The following IGF1 variants were observed in gnomAD, a reference collection of about 807,000 sequenced individuals.
IGF1 encodes insulin like growth factor 1.
Under a neutral mutation model 13.8 loss-of-function variants are expected in IGF1, and 4 were observed. The ratio of observed to expected loss-of-function variants is 0.29; its 90% CI spans 0.14 to 0.66. The LOEUF is 0.66. Ranked by LOEUF, IGF1 falls within the 30% of genes least tolerant of loss-of-function variation. The pLI, the probability that IGF1 is intolerant of heterozygous loss-of-function variation, is 0.78. For synonymous variants in IGF1, 76 were observed against 72.6 expected, an observed-to-expected ratio of 1.05 and a Z score of -0.23; for missense variants, 124 against 188.5, an observed-to-expected ratio of 0.66 and a Z score of 2.00.
chr12:102,410,683 A>G (rs1036415110), intron 3 of IGF1, among the ~76,000 whole-genome samples: 3 of 152,190 alleles, frequency 2.0e-5, no homozygotes, highest in Non-Finnish European at 4.4e-5. Flanking sequence ...TGTCATTTCA[A>G]TGCAATAGTG....
chr12:102,402,443 TA>T lies in IGF1; in HGVS notation c.*63del. On this transcript the variant is annotated 3_prime_UTR_variant, in exon 4 of 4. Coordinates refer to ENST00000337514, the MANE Select transcript of IGF1 (RefSeq NM_000618.5). ...GGTAGGTGTTCCAAAGTTTAACAGG[TA>T]ACTCGTGCAGAGCAAAGGATCCTGC... The T allele has an allele frequency of 1.3e-6, 1 of 780,168 alleles. No individual in the cohort carries two copies. Among genetic ancestry groups the T allele is most frequent in the South Asian group, 1.3e-5 (1 of 74,592 alleles). 48.3% of individuals were successfully genotyped at this position (780,168 alleles called of 1,614,324 possible).
chr12:102,444,957 T>C (rs1344898054), intron 2 of IGF1, among the ~76,000 whole-genome samples: 1 of 152,018 alleles, frequency 6.6e-6, no homozygotes, highest in East Asian at 1.9e-4. Context: ...ATCTCATAAA[T>C]TGGTATGATA....
intron 1 of IGF1, among the ~76,000 whole-genome samples, chr12:102,477,302 C>T (rs1241009281): frequency 6.6e-6 from 1 of 151,160 alleles, no homozygotes; most frequent in Non-Finnish European, 1.5e-5. Flanking sequence ...AAACCCCTGT[C>T]TCTCGTTAAC....
chr12:102,446,278 AAT>A (rs1878317106), intron 2 of IGF1, among the ~76,000 whole-genome samples: 2 of 152,106 alleles, frequency 1.3e-5, no homozygotes, highest in Admixed American at 6.5e-5. Flanking sequence ...TCTTGTTTGG[AAT>A]AGTTTCAGAC....
At chr12:102,425,362 T>G (rs1400127578) in intron 2 of IGF1, among the ~76,000 whole-genome samples, 1 of 152,198 alleles carries the variant, frequency 6.6e-6, no homozygotes, top group Non-Finnish European at 1.5e-5. Context: ...TAATTGCCAG[T>G]GTTTGCTGGT....
At chr12:102,441,970 G>C (rs1462623358) in intron 2 of IGF1, among the ~76,000 whole-genome samples, 1 of 9,018 alleles carries the variant, frequency 1.1e-4, no homozygotes, top group Non-Finnish European at 2.7e-4. Context: ...TTTTTTTTGA[G>C]ACAGGGTTTT....
chr12:102,470,457 G>C (rs1880615108), intron 2 of IGF1, among the ~76,000 whole-genome samples: 1 of 152,132 alleles, frequency 6.6e-6, no homozygotes, highest in Admixed American at 6.5e-5. Context: ...GCAGAAACTG[G>C]TCCTTTACTA....
At chr12:102,418,984 T>C (rs763807556) in intron 3 of IGF1, among the ~76,000 whole-genome samples, 2 of 152,248 alleles carry the variant, frequency 1.3e-5, no homozygotes, top group Non-Finnish European at 2.9e-5. Context: ...CTTTGGAAGA[T>C]TGTAGAATCT....
chr12:102,429,913 A>T (rs540141862), intron 2 of IGF1, among the ~76,000 whole-genome samples: 1 of 152,120 alleles, frequency 6.6e-6, no homozygotes, highest in African/African-American at 2.4e-5. Context: ...TCATTTTCCA[A>T]TTTATCACAG....
intron 2 of IGF1, among the ~76,000 whole-genome samples, chr12:102,434,782 A>G (rs966624845): frequency 4.0e-5 from 6 of 151,138 alleles, no homozygotes; most frequent in Non-Finnish European, 5.9e-5. Flanking sequence ...AAGTGTTCCT[A>G]TTTCTCCACA....
chr12:102,410,203 A>G (rs752818407), intron 3 of IGF1, among the ~76,000 whole-genome samples: 1 of 151,694 alleles, frequency 6.6e-6, no homozygotes, highest in Non-Finnish European at 1.5e-5. Context: ...GGGAACAAAG[A>G]AAAAAAAATG....
intron 2 of IGF1, among the ~76,000 whole-genome samples, chr12:102,461,147 T>C (rs1879865948): frequency 6.6e-6 from 1 of 152,186 alleles, no homozygotes; most frequent in South Asian, 2.1e-4. Flanking sequence ...CTTTTTATTG[T>C]CATTTCAAGA....
rs1201509063 is a variant in IGF1, at chr12:102,448,706, A to T, written c.220+26937T>A. Among the ~76,000 whole-genome samples the T allele has an allele frequency of 1.0e-3, 156 of 151,620 alleles. 2 individuals are homozygous for T. Among genetic ancestry groups the T allele is most frequent in the African/African-American group, 3.0e-3 (126 of 41,450 alleles). The stretch of plus-strand genomic sequence containing the variant: ...GAGTATAATAAAAAAAAAAAAAAAA[A>T]AAAAAAAAAATCTCATCAGAAAGTG... On this transcript the variant is annotated intron_variant, in intron 2 of 3. Transcript: ENST00000337514.
chr12:102,402,657 A>T lies in IGF1; in HGVS notation c.403-91T>A, dbSNP rs201258075. The T allele has an allele frequency of 1.2e-5, 9 of 767,970 alleles. No individual in the cohort carries two copies. The East Asian group carries it at 2.2e-4, about 19-fold the overall frequency. The allele number at this position is 767,970 out of a possible 1,614,324, so 47.6% of individuals were successfully genotyped here. A position where few individuals can be genotyped will look rare whatever the true frequency, so the allele number is the denominator to read the frequency against. On this transcript the variant is annotated intron_variant, in intron 3 of 3. Transcript: ENST00000337514. ...ATTGGGCCTCAACCTTCCATGTCTT[A>T]CGCCTTACCAGTTGAGCTAATAGAG...
At chr12:102,455,157 AG>A (rs1435289465) in intron 2 of IGF1, among the ~76,000 whole-genome samples, 12 of 152,362 alleles carry the variant, frequency 7.9e-5, no homozygotes, top group African/African-American at 2.4e-4. Context: ...AGAAGAACTA[AG>A]GGTTCAGGTT....
chr12:102,458,653 G>A (rs1435313944), intron 2 of IGF1, among the ~76,000 whole-genome samples: 3 of 137,928 alleles, frequency 2.2e-5, no homozygotes, highest in Admixed American at 1.7e-4. Context: ...GGAGTAAGTG[G>A]GAACTTACAG....
intron 1 of IGF1, among the ~76,000 whole-genome samples, chr12:102,477,997 C>CTTTTTTTTT (rs66470486): frequency 7.8e-6 from 1 of 127,506 alleles, no homozygotes; most frequent in Non-Finnish European, 1.7e-5. Context: ...TTCTCTTTTT[C>CTTTTTTTTT]TTTTTTTTTT....
chr12:102,415,503 A>C (rs1354021015), intron 3 of IGF1, among the ~76,000 whole-genome samples: 3 of 139,540 alleles, frequency 2.1e-5, no homozygotes, highest in African/African-American at 8.0e-5. Flanking sequence ...TTGCTAGTTA[A>C]GCATTCTTTA....
chr12:102,458,747 A>C (rs1035821478), intron 2 of IGF1, among the ~76,000 whole-genome samples: 2 of 146,452 alleles, frequency 1.4e-5, no homozygotes, highest in African/African-American at 5.0e-5. Flanking sequence ...AAAAAAAAAA[A>C]CCAAAAACAA....
Sources: allele counts gnomAD v4.1 joint callset (sites outside exome capture counted in the v4.1 genomes callset), GRCh38; gene constraint gnomAD v4.1.1; transcripts MANE v1.5; gene names NCBI Gene and HGNC (gene_info 2026-07-23, HGNC 2026-07-21).